The following MTMR7 variants were observed in gnomAD, a reference collection of about 807,000 sequenced individuals.
MTMR7 encodes the protein phosphatidylinositol-3-phosphate phosphatase MTMR7.
A neutral mutation model predicts 81.2 loss-of-function variants in MTMR7; 76 were observed. The observed-to-expected ratio is 0.94, with a 90% CI of 0.78 to 1.13. The LOEUF (loss-of-function observed/expected upper bound fraction) is 1.13. Ranked by LOEUF, MTMR7 falls within the 50% of genes most tolerant of loss-of-function variation. MTMR7 has a pLI of 0.00. For missense variants in MTMR7, 1,044 were observed against 820.0 expected, an observed-to-expected ratio of 1.27 and a Z score of -3.34; for synonymous variants, 372 against 289.8, an observed-to-expected ratio of 1.28 and a Z score of -2.88.
chr8:17,317,476 T>A (rs544431745), intron 7 of MTMR7, among the ~76,000 whole-genome samples: 5 of 152,154 alleles, frequency 3.3e-5, no homozygotes, highest in Non-Finnish European at 5.9e-5. Context: ...TTAACCCCTG[T>A]TTTTGGCCTG....
intron 2 of MTMR7, 95 bp downstream of exon 2, chr8:17,373,023 C>G: frequency 6.8e-7 from 1 of 1,465,034 alleles, no homozygotes; most frequent in East Asian, 2.3e-5. Context: ...CACAAAAGCC[C>G]ACCCATCTCA....
chr8:17,393,933 T>A (rs1300699532), intron 1 of MTMR7, among the ~76,000 whole-genome samples: 1 of 152,164 alleles, frequency 6.6e-6, no homozygotes. Context: ...TATGAATAGC[T>A]AATAAGCACA....
chr8:17,387,178 AAGATATCCCAGGTATTCCGATATCCC>A (rs1451937566), intron 1 of MTMR7, among the ~76,000 whole-genome samples: 11 of 152,330 alleles, frequency 7.2e-5, no homozygotes, highest in South Asian at 6.2e-4. Context: ...TATGCATGTG[AAGATATCCCAGGTATTCCGATATCCC>A]AGATATCCCA....
chr8:17,324,657 T>C (rs749009295), intron 7 of MTMR7, among the ~76,000 whole-genome samples: 4 of 152,228 alleles, frequency 2.6e-5, no homozygotes, highest in Non-Finnish European at 5.9e-5. Flanking sequence ...CAGTGAAGCC[T>C]AACAGGCTGC....
At chr8:17,319,527 C>T (rs1290403735) in intron 7 of MTMR7, among the ~76,000 whole-genome samples, 1 of 152,200 alleles carries the variant, frequency 6.6e-6, no homozygotes, top group Non-Finnish European at 1.5e-5. Flanking sequence ...TTTGCCACCA[C>T]ATCATGGCTA....
chr8:17,298,751 C>T lies in MTMR7; in HGVS notation c.*1111G>A, dbSNP rs1816905082. ...CCCCACTAAGTTTAATTTAGGTCAC[C>T]TAGTGAAGTCTTTTTTAACTCATAA... On this transcript the variant is annotated 3_prime_UTR_variant, in exon 14 of 14. Transcript: ENST00000180173. 1 of 152,540 alleles carries T rather than the reference C, an allele frequency of 6.6e-6. No homozygotes were observed. Among genetic ancestry groups the T allele is most frequent in the South Asian group, 2.1e-4 (1 of 4,834 alleles). The allele number at this position is 152,540 out of a possible 1,614,324, so 9.4% of individuals were successfully genotyped here.
chr8:17,315,420 A>G (rs1401302367), intron 7 of MTMR7, among the ~76,000 whole-genome samples: 2 of 151,958 alleles, frequency 1.3e-5, no homozygotes, highest in Non-Finnish European at 2.9e-5. Flanking sequence ...TAAACGTGTC[A>G]AAACCCACAG....
chr8:17,375,083 C>A (rs1820539630), intron 1 of MTMR7, among the ~76,000 whole-genome samples: 1 of 152,124 alleles, frequency 6.6e-6, no homozygotes, highest in Non-Finnish European at 1.5e-5. Flanking sequence ...GAGCAAAACT[C>A]CTTCTCAAAA....
At chr8:17,338,846 G>C (rs1052277766) in intron 6 of MTMR7, 3 of 151,896 alleles carry the variant, frequency 2.0e-5, no homozygotes, top group Admixed American at 2.0e-4. Context: ...CTGTGGTATC[G>C]GTTTCATCAC....
In MTMR7 at chr8:17,298,613, A is replaced by T. The variant is rs1297856904; in HGVS notation, c.*1249T>A. On this transcript the variant is annotated 3_prime_UTR_variant, in exon 14 of 14. Coordinates refer to ENST00000180173, the MANE Select transcript of MTMR7 (RefSeq NM_004686.5). ...TTTAAATTAATCCTTTCACATATTC[A>T]AAATATTGATCTAAATTGTAAAGTT... 6.6e-6 allele frequency: 1 copy of T among 152,552 alleles called. No homozygotes were observed. Among genetic ancestry groups the T allele is most frequent in the Non-Finnish European group, 1.5e-5 (1 of 67,976 alleles). 9.4% of individuals were successfully genotyped at this position (152,552 alleles called of 1,614,324 possible). A position where few individuals can be genotyped will look rare whatever the true frequency, so the allele number is the denominator to read the frequency against.
chr8:17,334,068 G>A (rs1034018685), intron 6 of MTMR7, among the ~76,000 whole-genome samples: 1 of 152,112 alleles, frequency 6.6e-6, no homozygotes, highest in African/African-American at 2.4e-5. Context: ...GAACTGATTG[G>A]TAATCTCCCT....
chr8:17,338,164 TGAG>T (rs1033442094), intron 6 of MTMR7, among the ~76,000 whole-genome samples: 23 of 152,252 alleles, frequency 1.5e-4, no homozygotes, highest in Admixed American at 1.5e-3. Context: ...TGGATAAATA[TGAG>T]AAGAGGGCAT....
At chr8:17,335,239 T>G (rs1170518541) in intron 6 of MTMR7, among the ~76,000 whole-genome samples, 1 of 151,930 alleles carries the variant, frequency 6.6e-6, no homozygotes, top group Non-Finnish European at 1.5e-5. Context: ...GGGCCCTGAG[T>G]GTCTCATTGA....
At chr8:17,304,589 A>G (rs989322544) in intron 11 of MTMR7, 70 bp from the exon 12 acceptor site, 1 of 1,502,780 alleles carries the variant, frequency 6.7e-7, no homozygotes, top group African/African-American at 1.4e-5. Flanking sequence ...TGTTATATTA[A>G]TGCTGGAAAG....
Position 17,402,943 on chromosome 8 carries a change from C to A in MTMR7, c.24+10326G>T, listed in dbSNP as rs528912911. The stretch of plus-strand genomic sequence containing the variant: ...GTCTTCTGGATAAAAGCCATTTTAA[C>A]TGGGGTGATACAGTATCTCACTGTA... On this transcript the variant is annotated intron_variant, in intron 1 of 13. Coordinates refer to ENST00000180173, the MANE Select transcript of MTMR7 (RefSeq NM_004686.5). Among the ~76,000 whole-genome samples, 8 of 152,306 alleles carry A rather than the reference C, an allele frequency of 5.3e-5. No individual in the cohort carries two copies. The East Asian group carries it at 1.5e-3, about 29-fold the overall frequency.
intron 1 of MTMR7, among the ~76,000 whole-genome samples, chr8:17,410,015 A>G (rs1157271705): frequency 6.6e-6 from 1 of 152,164 alleles, no homozygotes; most frequent in Non-Finnish European, 1.5e-5. Context: ...AGTTCTGAGG[A>G]TTCTCACTTT....
chr8:17,325,118 T>G (rs1461432625), intron 7 of MTMR7, among the ~76,000 whole-genome samples: 1 of 152,004 alleles, frequency 6.6e-6, no homozygotes, highest in African/African-American at 2.4e-5. Flanking sequence ...AAAAGGGACA[T>G]CGGAACCGAC....
At chr8:17,354,668 C>A (rs1006270546) in intron 4 of MTMR7, among the ~76,000 whole-genome samples, 2 of 152,076 alleles carry the variant, frequency 1.3e-5, no homozygotes, top group Non-Finnish European at 2.9e-5. Context: ...CCTGACCCAC[C>A]GACCTCAAAG....
At chr8:17,316,530 AG>A (rs1371057518) in intron 7 of MTMR7, among the ~76,000 whole-genome samples, 2 of 151,662 alleles carry the variant, frequency 1.3e-5, no homozygotes, top group Non-Finnish European at 2.9e-5. Context: ...GATTTCTATA[AG>A]TGAAATGGGC....
Sources: allele counts gnomAD v4.1 joint callset (sites outside exome capture counted in the v4.1 genomes callset), GRCh38; gene constraint gnomAD v4.1.1; transcripts MANE v1.5; gene names NCBI Gene and HGNC (gene_info 2026-07-23, HGNC 2026-07-21).